Variants in PLA2G4D observed in about 807,000 individuals in gnomAD.
The protein encoded by PLA2G4D is phospholipase A2 group IVD, also known as cytosolic phospholipase A2 delta.
Under a neutral mutation model 94.4 loss-of-function variants are expected in PLA2G4D, and 80 were observed. That is an observed-to-expected ratio of 0.85 (90% CI 0.71 to 1.02). PLA2G4D has a LOEUF of 1.02. Ranked by LOEUF, PLA2G4D falls within the 50% of genes least tolerant of loss-of-function variation. The pLI is 0.00. For synonymous variants in PLA2G4D, 438 were observed against 440.9 expected, an observed-to-expected ratio of 0.99 and a Z score of 0.08; for missense variants, 1,050 against 1,034.7, an observed-to-expected ratio of 1.01 and a Z score of -0.20.
chr15:42,086,088 G>A, intron 4 of PLA2G4D, 125 bp downstream of exon 4: 1 of 1,065,328 alleles, frequency 9.4e-7, no homozygotes, highest in South Asian at 1.7e-5. Flanking sequence ...CTAAAAAGGG[G>A]TTTAGATTTT....
Position 42,083,114 on chromosome 15 carries a change from G to A in PLA2G4D, c.672+84C>T, listed in dbSNP as rs1349269160. ...AGGCCACAGGGGCCTTGGCCCTGGT[G>A]GGCAGGGAAGGCAGGGAGGGGCCCG... On this transcript the variant is annotated intron_variant, in intron 8 of 19. Coordinates refer to ENST00000290472, the MANE Select transcript of PLA2G4D (RefSeq NM_178034.4). 18 of 1,530,462 alleles carry A rather than the reference G, an allele frequency of 1.2e-5. No individual in the cohort carries two copies. The South Asian group carries it at 1.3e-4, about 11-fold the overall frequency. The allele number at this position is 1,530,462 out of a possible 1,614,324, so 94.8% of individuals were successfully genotyped here.
intron 12 of PLA2G4D, among the ~76,000 whole-genome samples, chr15:42,080,089 T>G (rs1227759003): frequency 6.6e-6 from 1 of 152,246 alleles, no homozygotes. Context: ...ATTGATGTAA[T>G]TTCTATTTTT....
At chr15:42,075,794 C>G (rs188157085) in intron 13 of PLA2G4D, among the ~76,000 whole-genome samples, 19 of 150,906 alleles carry the variant, frequency 1.3e-4, no homozygotes, top group African/African-American at 4.4e-4. Flanking sequence ...GGCTGAGGCA[C>G]AAGAATCACT....
rs1566867721 is a variant in PLA2G4D, at chr15:42,094,443, G to A, written c.17C>T (p.Pro6Leu). 1.2e-6 allele frequency: 2 copies of A among 1,614,150 alleles called. No homozygotes were observed. The highest frequency in any genetic ancestry group is 1.7e-5 in the Admixed American group (1 of 60,024). MESLS[P>L]GGPPGHPYQG... Reference sequence around the variant, plus strand: ...GTAAGGGTGGCCAGGTGGTCCCCCAGGTGACAGGCTCTCCATGCTAGCCCT... The same window carrying A: ...GTAAGGGTGGCCAGGTGGTCCCCCAAGTGACAGGCTCTCCATGCTAGCCCT... The change falls in exon 1 of 20, where the codon CCT becomes CTT. Residue 6 changes from proline (P) to leucine (L), a missense_variant. Pro to Leu is a moderately conservative substitution (Grantham distance 98, BLOSUM62 -3). Coordinates refer to ENST00000290472, the MANE Select transcript of PLA2G4D (RefSeq NM_178034.4).
chr15:42,082,743 C>G (rs970332050), intron 8 of PLA2G4D, among the ~76,000 whole-genome samples: 1 of 151,966 alleles, frequency 6.6e-6, no homozygotes, highest in Admixed American at 6.6e-5. Context: ...GAAGAGCCAC[C>G]ATTTGAGCTA....
intron 1 of PLA2G4D, among the ~76,000 whole-genome samples, chr15:42,090,827 C>T (rs1645229042): frequency 6.6e-6 from 1 of 152,218 alleles, no homozygotes; most frequent in Non-Finnish European, 1.5e-5. Flanking sequence ...CATCACTAGA[C>T]ATCCATTAGG....
Position 42,086,194 on chromosome 15 carries a change from T to TGGGGGC in PLA2G4D, c.387+18_387+19insGCCCCC. The TGGGGGC allele has an allele frequency of 4.4e-6, 6 of 1,370,434 alleles. No homozygotes were observed. The highest frequency in any genetic ancestry group is 5.8e-6 in the Non-Finnish European group (6 of 1,043,078). The allele number at this position is 1,370,434 out of a possible 1,614,324, so 84.9% of individuals were successfully genotyped here. A position where few individuals can be genotyped will look rare whatever the true frequency, so the allele number is the denominator to read the frequency against. ...GGAAGAAGTGGGGCCCACGGGGACT[T>TGGGGGC]CCCCACCCACCCACCCACCTGGGGA... On this transcript the variant is annotated intron_variant, in intron 4 of 19. Coordinates refer to ENST00000290472, the MANE Select transcript of PLA2G4D (RefSeq NM_178034.4).
chr15:42,070,761 C>T lies in PLA2G4D; in HGVS notation c.1999G>A (p.Asp667Asn). The change falls in exon 18 of 20, where the codon GAC (aspartate) becomes AAC (asparagine). Residue 667 changes from aspartate (D) to asparagine (N), a missense_variant. Coordinates refer to ENST00000290472, the MANE Select transcript of PLA2G4D (RefSeq NM_178034.4). Reference protein sequence around the residue: ...PSMFRPGRRLDLILSFDYSLS... With the variant: ...PSMFRPGRRLNLILSFDYSLS... Reference sequence around the variant, plus strand: ...GAGTAGTCGAAGGAGAGGATGAGGTCCAGCCTGCGGCCTGGCCGGAACATG... The same window carrying T: ...GAGTAGTCGAAGGAGAGGATGAGGTTCAGCCTGCGGCCTGGCCGGAACATG... 1.3e-6 allele frequency: 2 copies of T among 1,583,040 alleles called. No individual in the cohort carries two copies. Among genetic ancestry groups the T allele is most frequent in the Non-Finnish European group, 1.7e-6 (2 of 1,163,636 alleles).
chr15:42,079,308 G>C (rs1304354279), intron 13 of PLA2G4D, among the ~76,000 whole-genome samples: 1 of 152,224 alleles, frequency 6.6e-6, no homozygotes. Flanking sequence ...AACTGACTTT[G>C]ACATCGACTC....
intron 19 of PLA2G4D, 109 bp downstream of exon 19, chr15:42,069,800 G>T: frequency 9.6e-7 from 1 of 1,038,886 alleles, no homozygotes; most frequent in Non-Finnish European, 1.3e-6. Flanking sequence ...CTAGCCTGAA[G>T]CCTTCTCCTG....
intron 7 of PLA2G4D, 119 bp downstream of exon 7, chr15:42,083,597 G>C: frequency 7.8e-7 from 1 of 1,285,510 alleles, no homozygotes; most frequent in Non-Finnish European, 1.1e-6. Context: ...CCATGTGGGT[G>C]AGAAGAGAGA....
intron 13 of PLA2G4D, among the ~76,000 whole-genome samples, chr15:42,076,979 C>T (rs973549770): frequency 6.6e-6 from 1 of 152,058 alleles, no homozygotes. Context: ...AACTGGAAAA[C>T]CTAGAAGAAA....
At chr15:42,090,484 C>T (rs1449994874) in intron 1 of PLA2G4D, among the ~76,000 whole-genome samples, 1 of 152,218 alleles carries the variant, frequency 6.6e-6, no homozygotes, top group Non-Finnish European at 1.5e-5. Flanking sequence ...CAGAAAACAG[C>T]TTCACATCCT....
chr15:42,091,823 T>A (rs1890250092), intron 1 of PLA2G4D, among the ~76,000 whole-genome samples: 1 of 152,214 alleles, frequency 6.6e-6, no homozygotes, highest in Non-Finnish European at 1.5e-5. Flanking sequence ...AATAATGGCG[T>A]AAGCTGTCTT....
At chr15:42,082,438 CCTA>C (rs777013839) in intron 8 of PLA2G4D, 49 bp from the exon 9 acceptor site, 35 of 1,380,524 alleles carry the variant, frequency 2.5e-5, no homozygotes, top group South Asian at 9.3e-5. Context: ...TCAACAAATC[CCTA>C]CTAAGTATCT....
At chr15:42,093,634 A>G (rs1411232352) in intron 1 of PLA2G4D, among the ~76,000 whole-genome samples, 1 of 152,016 alleles carries the variant, frequency 6.6e-6, no homozygotes, top group East Asian at 1.9e-4. Context: ...AGGGCTCCTT[A>G]GTGTCTGCCC....
intron 17 of PLA2G4D, 56 bp from the exon 18 acceptor site, chr15:42,070,939 TC>T: frequency 3.8e-6 from 6 of 1,569,502 alleles, no homozygotes; most frequent in Non-Finnish European, 5.2e-6. Context: ...GTCATCCATG[TC>T]CCCTTCTCTC....
chr15:42,089,309 C>T (rs910094042), intron 1 of PLA2G4D, among the ~76,000 whole-genome samples: 6 of 152,152 alleles, frequency 3.9e-5, no homozygotes, highest in Non-Finnish European at 7.3e-5. Flanking sequence ...GCTGGCTCAG[C>T]ACCCACGGGG....
Position 42,083,139 on chromosome 15 carries a change from G to A in PLA2G4D, c.672+59C>T, listed in dbSNP as rs200622753. On this transcript the variant is annotated intron_variant, in intron 8 of 19. Transcript: ENST00000290472. ...GGGCAGGGAAGGCAGGGAGGGGCCC[G>A]CTGCAGCTGGAGCTGCCCAAGCCTA... The A allele has an allele frequency of 2.5e-5, 39 of 1,565,566 alleles. No homozygotes were observed. The East Asian group carries it at 5.2e-4, about 21-fold the overall frequency.
Sources: gnomAD v4.1 joint callset for allele counts (sites outside exome capture counted in the v4.1 genomes callset) on GRCh38, gnomAD v4.1.1 for gene constraint, MANE v1.5 for transcripts, NCBI Gene and HGNC (gene_info 2026-07-23, HGNC 2026-07-21) for gene names.